The following PDZRN4 variants were observed in gnomAD, a reference collection of about 807,000 sequenced individuals.
The protein encoded by PDZRN4 is PDZ domain containing ring finger 4, also known as PDZ domain-containing RING finger protein 4.
Under a neutral mutation model 99.0 loss-of-function variants are expected in PDZRN4, and 70 were observed. The ratio of observed to expected loss-of-function variants is 0.71; its 90% confidence interval spans 0.58 to 0.86. PDZRN4 has a LOEUF of 0.86. Ranked by LOEUF, PDZRN4 falls within the 40% of genes least tolerant of loss-of-function variation. PDZRN4 has a pLI of 0.00. For missense variants in PDZRN4, 1,474 were observed against 1,331.2 expected (o/e 1.11, Z -1.67); for synonymous variants, 551 against 501.6 (o/e 1.10, Z -1.32).
At chr12:41,430,642 C>A (rs1952579788) in intron 3 of PDZRN4, among the ~76,000 whole-genome samples, 2 of 152,002 alleles carry the variant, frequency 1.3e-5, no homozygotes, top group African/African-American at 4.8e-5. Flanking sequence ...AACAAAAAGC[C>A]TTTTAGAAGT....
rs150720524 is a variant in PDZRN4, at chr12:41,308,226, C to T, written c.843+114038C>T. Among the ~76,000 whole-genome samples the T allele has an allele frequency of 1.2e-3, 175 of 152,026 alleles. 3 individuals carry two copies. Among genetic ancestry groups the T allele is most frequent in the African/African-American group, 4.0e-3 (168 of 41,490 alleles). On this transcript the variant is annotated intron_variant, in intron 3 of 9. Coordinates refer to ENST00000402685, the MANE Select transcript of PDZRN4 (RefSeq NM_001164595.2). ...TACTTCTGGCCTCATTGATAATATA[C>T]GTGTTTTTGAGAAATGGAAAAGGTA...
chr12:41,397,727 A>G (rs1952259674), intron 3 of PDZRN4, among the ~76,000 whole-genome samples: 1 of 152,158 alleles, frequency 6.6e-6, no homozygotes, highest in South Asian at 2.1e-4. Flanking sequence ...TAGTTAATGG[A>G]TGTTTTAAAG....
At chr12:41,362,847 T>G (rs772081109) in intron 3 of PDZRN4, among the ~76,000 whole-genome samples, 6 of 152,146 alleles carry the variant, frequency 3.9e-5, no homozygotes, top group Non-Finnish European at 8.8e-5. Flanking sequence ...ACATTAATTA[T>G]GACTTTTATT....
At chr12:41,437,892 C>T in intron 3 of PDZRN4, 1 of 1,613,650 alleles carries the variant, frequency 6.2e-7, no homozygotes, top group East Asian at 2.2e-5. Context: ...AGTTCACTTG[C>T]CTTTCAGTTC....
intron 3 of PDZRN4, among the ~76,000 whole-genome samples, chr12:41,222,073 G>A (rs1950959436): frequency 6.6e-6 from 1 of 152,150 alleles, no homozygotes; most frequent in East Asian, 1.9e-4. Flanking sequence ...AGTTGATGGT[G>A]GTGGTGGGTT....
chr12:41,205,377 C>T (rs202166494), intron 3 of PDZRN4, among the ~76,000 whole-genome samples: 54 of 151,972 alleles, frequency 3.6e-4, no homozygotes, highest in African/African-American at 1.2e-3. Context: ...ACCTTCCCTG[C>T]GCATGGGATA....
intron 3 of PDZRN4, among the ~76,000 whole-genome samples, chr12:41,244,394 G>A (rs1371902306): frequency 6.6e-6 from 1 of 152,136 alleles, no homozygotes; most frequent in Admixed American, 6.5e-5. Context: ...GTGGCTGTAA[G>A]TCAAATCATG....
intron 3 of PDZRN4, among the ~76,000 whole-genome samples, chr12:41,434,713 G>C (rs1952614120): frequency 6.6e-6 from 1 of 152,156 alleles, no homozygotes; most frequent in Non-Finnish European, 1.5e-5. Context: ...TTTAAAATAA[G>C]TAACTATATC....
chr12:41,565,339 G>GAA (rs150298475), intron 8 of PDZRN4, among the ~76,000 whole-genome samples: 2,043 of 128,266 alleles, frequency 0.016, 44 homozygotes, highest in African/African-American at 0.055. Flanking sequence ...ATTGCCTATA[G>GAA]AAAAAAAAAA....
intron 3 of PDZRN4, among the ~76,000 whole-genome samples, chr12:41,294,424 A>T (rs953772763): frequency 2.0e-5 from 3 of 152,198 alleles, no homozygotes; most frequent in Non-Finnish European, 4.4e-5. Flanking sequence ...ATTTTATATG[A>T]ACTATAAATG....
intron 1 of PDZRN4, among the ~76,000 whole-genome samples, chr12:41,190,727 A>G (rs1451488784): frequency 6.6e-6 from 1 of 152,222 alleles, no homozygotes; most frequent in East Asian, 1.9e-4. Context: ...AAAGGTTAAT[A>G]ACATCTACAA....
chr12:41,361,847 G>A (rs966334743), intron 3 of PDZRN4, among the ~76,000 whole-genome samples: 1 of 152,108 alleles, frequency 6.6e-6, no homozygotes, highest in South Asian at 2.1e-4. Flanking sequence ...GATGAATCTG[G>A]CACAGCTCTG....
At chr12:41,505,255 G>A (rs374462706) in intron 3 of PDZRN4, among the ~76,000 whole-genome samples, 4 of 152,096 alleles carry the variant, frequency 2.6e-5, no homozygotes, top group East Asian at 1.9e-4. Context: ...ACCAACAGGC[G>A]GGTGGCTTAG....
At chr12:41,327,702 C>T (rs1188599793) in intron 3 of PDZRN4, among the ~76,000 whole-genome samples, 3 of 152,172 alleles carry the variant, frequency 2.0e-5, no homozygotes, top group African/African-American at 7.2e-5. Flanking sequence ...TCACCAGTCA[C>T]TACAACCTCT....
intron 3 of PDZRN4, among the ~76,000 whole-genome samples, chr12:41,247,576 G>A (rs1951141443): frequency 6.6e-6 from 1 of 152,060 alleles, no homozygotes; most frequent in African/African-American, 2.4e-5. Flanking sequence ...CAATTCCTGG[G>A]TTTGGCTTTA....
intron 3 of PDZRN4, among the ~76,000 whole-genome samples, chr12:41,489,627 A>T (rs1937844997): frequency 6.6e-6 from 1 of 151,958 alleles, no homozygotes; most frequent in Non-Finnish European, 1.5e-5. Flanking sequence ...TTTTATTTTG[A>T]AAGATTTAGA....
chr12:41,508,304 C>A (rs1244285922), intron 4 of PDZRN4, among the ~76,000 whole-genome samples: 1 of 152,140 alleles, frequency 6.6e-6, no homozygotes, highest in Non-Finnish European at 1.5e-5. Flanking sequence ...AGCTTAGAGA[C>A]AACCTCCTCT....
At chr12:41,338,346 G>T (rs1316875964) in intron 3 of PDZRN4, among the ~76,000 whole-genome samples, 1 of 151,956 alleles carries the variant, frequency 6.6e-6, no homozygotes, top group East Asian at 1.9e-4. Context: ...AGTGAAATTT[G>T]TAAGCAATAT....
chr12:41,559,250 A>C (rs1325907762), intron 7 of PDZRN4, among the ~76,000 whole-genome samples: 1 of 152,118 alleles, frequency 6.6e-6, no homozygotes, highest in East Asian at 1.9e-4. Flanking sequence ...GGGATTGTGC[A>C]GAAGAGAAAC....
Sources: gnomAD v4.1 joint callset for allele counts (sites outside exome capture counted in the v4.1 genomes callset) on GRCh38, gnomAD v4.1.1 for gene constraint, MANE v1.5 for transcripts, NCBI Gene and HGNC (gene_info 2026-07-23, HGNC 2026-07-21) for gene names.